The following PIP5K1B variants were observed in gnomAD, a reference collection of about 807,000 sequenced individuals.
PIP5K1B encodes phosphatidylinositol-4-phosphate 5-kinase type 1 beta.
PIP5K1B carries 42 observed loss-of-function variants against 67.0 expected under a neutral mutation model. The ratio of observed to expected loss-of-function variants is 0.63; its 90% confidence interval spans 0.49 to 0.81. The LOEUF (loss-of-function observed/expected upper bound fraction) is 0.81. Ranked by LOEUF, PIP5K1B falls within the 30% of genes least tolerant of loss-of-function variation. The probability of loss-of-function intolerance (pLI) is 0.00; values close to 1 mark genes in which losing one functional copy is unlikely to be tolerated. For missense variants in PIP5K1B, 459 were observed against 646.3 expected, an observed-to-expected ratio of 0.71 and a Z score of 3.14; for synonymous variants, 214 against 231.4, an observed-to-expected ratio of 0.92 and a Z score of 0.68.
At chr9:68,800,960 T>C (rs1295133683) in intron 2 of PIP5K1B, among the ~76,000 whole-genome samples, 1 of 152,192 alleles carries the variant, frequency 6.6e-6, no homozygotes, top group Non-Finnish European at 1.5e-5. Flanking sequence ...CCCCCTCATA[T>C]AGAAATCCCA....
intron 14 of PIP5K1B, among the ~76,000 whole-genome samples, chr9:68,970,798 C>T (rs1447710855): frequency 6.6e-6 from 1 of 152,172 alleles, no homozygotes; most frequent in African/African-American, 2.4e-5. Flanking sequence ...TGATATCCAC[C>T]TCTCCAGCAT....
At chr9:68,854,687 A>G (rs1822681237) in intron 4 of PIP5K1B, among the ~76,000 whole-genome samples, 1 of 152,238 alleles carries the variant, frequency 6.6e-6, no homozygotes, top group Non-Finnish European at 1.5e-5. Context: ...GTATTTTAAA[A>G]CATAGTAGCA....
chr9:68,830,030 C>T (rs1172368908), intron 4 of PIP5K1B, among the ~76,000 whole-genome samples: 2 of 151,842 alleles, frequency 1.3e-5, no homozygotes, highest in East Asian at 1.9e-4. Flanking sequence ...GTATGCGTCC[C>T]AACAGCAACA....
At chr9:68,791,100 A>C (rs1313031057) in intron 2 of PIP5K1B, among the ~76,000 whole-genome samples, 1 of 152,198 alleles carries the variant, frequency 6.6e-6, no homozygotes, top group Non-Finnish European at 1.5e-5. Flanking sequence ...CCCCCAAACC[A>C]AACTAACCTC....
At chr9:68,996,382 A>G (rs1830602563) in intron 15 of PIP5K1B, among the ~76,000 whole-genome samples, 1 of 152,240 alleles carries the variant, frequency 6.6e-6, no homozygotes, top group South Asian at 2.1e-4. Flanking sequence ...TTCACACTGT[A>G]GAGTCCCAAG....
chr9:68,824,019 C>T lies in PIP5K1B; in HGVS notation c.69+1336C>T. 4.0e-6 allele frequency: 2 copies of T among 494,672 alleles called. 1 individual carries two copies. The highest frequency in any genetic ancestry group is 3.0e-5 in the South Asian group (2 of 67,682). The allele number at this position is 494,672 out of a possible 1,614,324, so 30.6% of individuals were successfully genotyped here. ...AAAGAGTTGGGTAAAGATTCAAGAGCTCAGAAGTGCCGCAGTATATTTTAT... is the reference window on the plus strand; with the variant it reads ...AAAGAGTTGGGTAAAGATTCAAGAGTTCAGAAGTGCCGCAGTATATTTTAT... On this transcript the variant is annotated intron_variant, in intron 4 of 15. Coordinates refer to ENST00000265382, the MANE Select transcript of PIP5K1B (RefSeq NM_003558.4).
At chr9:68,720,718 T>C (rs1031667610) in intron 1 of PIP5K1B, among the ~76,000 whole-genome samples, 2 of 152,048 alleles carry the variant, frequency 1.3e-5, no homozygotes, top group Non-Finnish European at 2.9e-5. Context: ...GTCTCTTACC[T>C]GGGCTGGTGT....
At chr9:68,717,222 C>A (rs1054543508) in intron 1 of PIP5K1B, among the ~76,000 whole-genome samples, 2 of 152,042 alleles carry the variant, frequency 1.3e-5, no homozygotes, top group African/African-American at 4.8e-5. Flanking sequence ...CATGTGTAAC[C>A]CCTGAATCTA....
chr9:68,829,062 A>G (rs1587516812), intron 4 of PIP5K1B, among the ~76,000 whole-genome samples: 1 of 152,244 alleles, frequency 6.6e-6, no homozygotes, highest in East Asian at 1.9e-4. Context: ...AGATCACGCC[A>G]CTGCACTCCA....
intron 7 of PIP5K1B, 24 bp downstream of exon 7, chr9:68,889,157 G>A: frequency 6.4e-7 from 1 of 1,561,170 alleles, no homozygotes; most frequent in South Asian, 1.2e-5. Context: ...CATCATTAAT[G>A]CTTCTACTTG....
chr9:68,890,653 G>T (rs1466211821), intron 7 of PIP5K1B, among the ~76,000 whole-genome samples: 1 of 148,460 alleles, frequency 6.7e-6, no homozygotes, highest in African/African-American at 2.5e-5. Flanking sequence ...TTTCAATACT[G>T]AGCAATTATT....
At chr9:68,736,132 T>G (rs1413844147) in intron 1 of PIP5K1B, among the ~76,000 whole-genome samples, 1 of 152,154 alleles carries the variant, frequency 6.6e-6, no homozygotes, top group Non-Finnish European at 1.5e-5. Flanking sequence ...GAGGTCCTTG[T>G]GGGGACTTGG....
At chr9:68,926,204 CT>C (rs1826691953) in intron 12 of PIP5K1B, among the ~76,000 whole-genome samples, 1 of 152,074 alleles carries the variant, frequency 6.6e-6, no homozygotes, top group Non-Finnish European at 1.5e-5. Flanking sequence ...GGATCTAGCC[CT>C]TTAATGTTCT....
intron 8 of PIP5K1B, among the ~76,000 whole-genome samples, chr9:68,912,417 C>G (rs1047185632): frequency 1.3e-5 from 2 of 151,986 alleles, no homozygotes; most frequent in African/African-American, 2.4e-5. Flanking sequence ...GACAAAGAAC[C>G]AAGAGAAGCC....
chr9:68,808,249 G>T (rs1011926631), intron 2 of PIP5K1B, among the ~76,000 whole-genome samples: 7 of 152,070 alleles, frequency 4.6e-5, no homozygotes, highest in Non-Finnish European at 7.4e-5. Flanking sequence ...AGTTATAGAG[G>T]CAAGAAGTTC....
At chr9:68,873,993 T>C (rs1823755379) in intron 5 of PIP5K1B, among the ~76,000 whole-genome samples, 1 of 152,212 alleles carries the variant, frequency 6.6e-6, no homozygotes, top group African/African-American at 2.4e-5. Flanking sequence ...TGATGTACTA[T>C]GAACCTAATT....
chr9:68,996,924 C>T (rs1415819028), intron 15 of PIP5K1B, among the ~76,000 whole-genome samples: 1 of 152,152 alleles, frequency 6.6e-6, no homozygotes, highest in Non-Finnish European at 1.5e-5. Flanking sequence ...ATATTAACAT[C>T]CTCTCAATAA....
intron 14 of PIP5K1B, among the ~76,000 whole-genome samples, chr9:68,987,492 G>A (rs1237129869): frequency 2.0e-5 from 3 of 152,136 alleles, no homozygotes; most frequent in African/African-American, 4.8e-5. Context: ...AACCTGGGAG[G>A]CGGAGGTTGC....
rs1832681657 is a variant in PIP5K1B, at chr9:68,802,959, A to C, written c.-85-15502A>C. On this transcript the variant is annotated intron_variant, in intron 2 of 15. Transcript: ENST00000265382. Reference sequence around the variant, plus strand: ...CCCTTTAGCAATGTTGTTCACCAACAAGGCAGACTAATTAGGAGGCTAGGG... The same window carrying C: ...CCCTTTAGCAATGTTGTTCACCAACCAGGCAGACTAATTAGGAGGCTAGGG... 2.0e-5 allele frequency among the ~76,000 whole-genome samples: 3 copies of C among 152,342 alleles called. No individual in the cohort carries two copies. The South Asian group carries it at 6.2e-4, about 32-fold the overall frequency.
Sources: allele counts gnomAD v4.1 joint callset (sites outside exome capture counted in the v4.1 genomes callset), GRCh38; gene constraint gnomAD v4.1.1; transcripts MANE v1.5; gene names NCBI Gene and HGNC (gene_info 2026-07-23, HGNC 2026-07-21).